The following GBP7 variants were observed in gnomAD, a reference collection of about 807,000 sequenced individuals.
GBP7 encodes the protein guanylate binding protein 7.
GBP7 carries 43 observed loss-of-function variants against 61.3 expected under a neutral mutation model. The observed-to-expected ratio is 0.70, with a 90% CI of 0.55 to 0.91. The LOEUF (loss-of-function observed/expected upper bound fraction) is 0.91. GBP7 is among the 40% of genes least tolerant of loss of function. The pLI is 0.00. For synonymous variants in GBP7, 267 were observed against 271.0 expected (o/e 0.99, Z 0.14); for missense variants, 717 against 740.5 (o/e 0.97, Z 0.37).
intron 8 of GBP7, among the ~76,000 whole-genome samples, chr1:89,143,568 A>T (rs1682000382): frequency 6.6e-6 from 1 of 152,140 alleles, no homozygotes; most frequent in Non-Finnish European, 1.5e-5. Flanking sequence ...TTATAAAGCA[A>T]AGAGGTTTAA....
At chr1:89,171,170 A>G (rs1647586891) in intron 2 of GBP7, among the ~76,000 whole-genome samples, 1 of 152,216 alleles carries the variant, frequency 6.6e-6, no homozygotes. Context: ...AGAGGAACTC[A>G]AGATATGGTA....
intron 8 of GBP7, among the ~76,000 whole-genome samples, chr1:89,143,509 T>C (rs1681998683): frequency 6.6e-6 from 1 of 152,164 alleles, no homozygotes. Context: ...AGAGTTAGGA[T>C]CTACATTTAA....
chr1:89,135,201 TAA>T (rs1426952296), intron 9 of GBP7, among the ~76,000 whole-genome samples: 3 of 152,202 alleles, frequency 2.0e-5, no homozygotes, highest in East Asian at 3.9e-4. Context: ...TGAGATTACA[TAA>T]AGAGACCAAA....
chr1:89,175,135 C>T (rs1486999329), intron 1 of GBP7, among the ~76,000 whole-genome samples: 1 of 152,128 alleles, frequency 6.6e-6, no homozygotes. Context: ...CTTTAAGATA[C>T]AAGCAAATAT....
At chr1:89,171,701 A>G in intron 2 of GBP7, 45 bp downstream of exon 2, 2 of 1,556,036 alleles carry the variant, frequency 1.3e-6, no homozygotes, top group Non-Finnish European at 8.8e-7. Flanking sequence ...CTGACTGTGT[A>G]ACTGGACAGA....
chr1:89,140,552 A>G (rs560966096), intron 9 of GBP7, among the ~76,000 whole-genome samples: 165 of 152,226 alleles, frequency 1.1e-3, no homozygotes, highest in African/African-American at 3.8e-3. Flanking sequence ...AAAATAACAG[A>G]TGCTGGCAAG....
chr1:89,143,899 A>G (rs1300116262), intron 8 of GBP7, among the ~76,000 whole-genome samples: 1 of 152,150 alleles, frequency 6.6e-6, no homozygotes, highest in Non-Finnish European at 1.5e-5. Context: ...AACTTGATCA[A>G]TGGGGTTCGC....
rs922617827 is a variant in GBP7, at chr1:89,144,732, G to T, written c.1365+2835C>A. ...CACCTCATGCAGTTATCTTTTTTTT[G>T]TGTGTGTGTGGTGGGAACACAAGGG... On this transcript the variant is annotated intron_variant, in intron 8 of 10. Transcript: ENST00000294671. 4.0e-5 allele frequency among the ~76,000 whole-genome samples: 6 copies of T among 151,540 alleles called. No homozygotes were observed. The East Asian group carries it at 5.8e-4, about 15-fold the overall frequency.
At chr1:89,148,996 C>G (rs940497271) in intron 7 of GBP7, among the ~76,000 whole-genome samples, 6 of 151,926 alleles carry the variant, frequency 3.9e-5, no homozygotes, top group African/African-American at 1.5e-4. Flanking sequence ...ATTCTAAATA[C>G]TATTCTCTAA....
chr1:89,166,295 A>T (rs1647439540), intron 2 of GBP7, among the ~76,000 whole-genome samples: 1 of 152,144 alleles, frequency 6.6e-6, no homozygotes, highest in African/African-American at 2.4e-5. Context: ...AGGTTATCCA[A>T]ATAGAGGAGA....
intron 9 of GBP7, among the ~76,000 whole-genome samples, chr1:89,140,593 G>T (rs1017554107): frequency 6.6e-6 from 1 of 152,154 alleles, no homozygotes; most frequent in Non-Finnish European, 1.5e-5. Flanking sequence ...CTTAAACACT[G>T]CTGGTGGGCT....
chr1:89,149,426 G>A lies in GBP7; in HGVS notation c.1018C>T (p.Gln340Ter), dbSNP rs745362797. ...AANHYSQQMA[Q>*]QVRFPTDTLQ... ...GTGTCTGTGGGGAATCTCACTTGCT[G>A]GGCCATCTGCTGGCTGTAGTGGTTG... is the stretch of plus-strand genomic sequence containing the variant. Residue 340 changes from glutamine to a stop codon, truncating the protein, a stop_gained, in exon 7 of 11, where the codon CAG becomes TAG. Transcript: ENST00000294671. LOFTEE classifies it high-confidence loss of function. The A allele has an allele frequency of 4.3e-6, 7 of 1,614,130 alleles. No individual in the cohort carries two copies. The Admixed American group carries it at 1.2e-4, about 27-fold the overall frequency.
intron 2 of GBP7, among the ~76,000 whole-genome samples, chr1:89,169,776 A>T (rs1394676524): frequency 2.0e-5 from 3 of 152,250 alleles, no homozygotes; most frequent in Non-Finnish European, 4.4e-5. Flanking sequence ...TTAGTGTGTA[A>T]ACCAGTATGA....
At chr1:89,152,574 C>T in intron 4 of GBP7, 94 bp downstream of exon 4, 2 of 1,501,164 alleles carry the variant, frequency 1.3e-6, no homozygotes, top group Non-Finnish European at 1.8e-6. Context: ...TCTTACTCAA[C>T]CAGGACAACT....
chr1:89,170,822 C>T (rs1647576301), intron 2 of GBP7, among the ~76,000 whole-genome samples: 1 of 152,172 alleles, frequency 6.6e-6, no homozygotes, highest in Non-Finnish European at 1.5e-5. Flanking sequence ...TCTGTACTTC[C>T]AGTAATAGCC....
chr1:89,139,744 A>G (rs1205299318), intron 9 of GBP7, among the ~76,000 whole-genome samples: 1 of 152,262 alleles, frequency 6.6e-6, no homozygotes, highest in East Asian at 1.9e-4. Flanking sequence ...ACAATGAGAT[A>G]CCATCTCACA....
rs758450306 is a variant in GBP7, at chr1:89,171,966, A to G, written c.-19-12T>C. The G allele has an allele frequency of 1.9e-6, 3 of 1,581,768 alleles. No individual in the cohort carries two copies. Among genetic ancestry groups the G allele is most frequent in the Admixed American group, 3.4e-5 (2 of 58,314 alleles). Reference sequence around the variant, plus strand: ...GGGCGTTCCTCTGTCTGCAAGGAAAAAATGAAATGGAAAGTAATGTCTGGT... The same window carrying G: ...GGGCGTTCCTCTGTCTGCAAGGAAAGAATGAAATGGAAAGTAATGTCTGGT... On this transcript the variant is annotated splice_polypyrimidine_tract_variant and intron_variant, in intron 1 of 10. Coordinates refer to ENST00000294671, the MANE Select transcript of GBP7 (RefSeq NM_207398.3).
At chr1:89,133,631 A>T (rs375475606) in intron 9 of GBP7, among the ~76,000 whole-genome samples, 180 bp from the exon 10 acceptor site, 11 of 152,164 alleles carry the variant, frequency 7.2e-5, no homozygotes, top group African/African-American at 1.9e-4. Flanking sequence ...TGAAGGAAGG[A>T]TGCAGACCCA....
intron 1 of GBP7, 116 bp from the exon 2 acceptor site, chr1:89,172,070 A>G (rs1347118431): frequency 4.1e-5 from 30 of 725,106 alleles, no homozygotes; most frequent in Non-Finnish European, 4.7e-5. Flanking sequence ...GTGCATTTCT[A>G]AGGAGACCTG....
Sources: gnomAD v4.1 joint callset for allele counts (sites outside exome capture counted in the v4.1 genomes callset) on GRCh38, gnomAD v4.1.1 for gene constraint, MANE v1.5 for transcripts, NCBI Gene and HGNC (gene_info 2026-07-23, HGNC 2026-07-21) for gene names.